The following XYLT1 variants were observed in gnomAD, a reference collection of about 807,000 sequenced individuals.
XYLT1 encodes beta-D-xylosyltransferase 1.
In XYLT1, 36 loss-of-function variants were observed where a neutral mutation model predicts 91.3. The ratio of observed to expected loss-of-function variants is 0.39; its 90% CI spans 0.30 to 0.52. XYLT1 has a LOEUF of 0.52. Among genes scored for constraint, XYLT1 ranks in the 20% least tolerant of loss-of-function variants. The pLI is 0.68. For synonymous variants in XYLT1, 588 were observed against 532.0 expected (o/e 1.11, Z -1.45); for missense variants, 1,242 against 1,284.5 (o/e 0.97, Z 0.51).
intron 1 of XYLT1, among the ~76,000 whole-genome samples, chr16:17,380,263 G>A (rs560692060): frequency 7.2e-4 from 110 of 152,192 alleles, no homozygotes; most frequent in Non-Finnish European, 1.3e-3. Context: ...ACTCCAGCCT[G>A]GGCGACAGAC....
intron 2 of XYLT1, among the ~76,000 whole-genome samples, chr16:17,351,980 C>T (rs1006745889): frequency 3.3e-5 from 5 of 151,974 alleles, no homozygotes; most frequent in Non-Finnish European, 5.9e-5. Flanking sequence ...CCCACCTCTA[C>T]AAAAATTACA....
intron 1 of XYLT1, among the ~76,000 whole-genome samples, chr16:17,454,913 GC>G (rs1181699156): frequency 2.7e-4 from 8 of 30,138 alleles, no homozygotes; most frequent in East Asian, 6.5e-4. Context: ...TCCCCCCCCC[GC>G]CCCCCCCCGC....
chr16:17,309,121 G>T (rs1042093326), intron 2 of XYLT1, among the ~76,000 whole-genome samples: 3 of 152,180 alleles, frequency 2.0e-5, no homozygotes, highest in Admixed American at 2.0e-4. Context: ...ACACGCAAGG[G>T]TCTACAACAC....
At chr16:17,129,091 A>AC (rs1231430547) in intron 9 of XYLT1, among the ~76,000 whole-genome samples, 4 of 144,274 alleles carry the variant, frequency 2.8e-5, no homozygotes, top group Middle Eastern at 3.2e-3. Context: ...AAAAAAAAAA[A>AC]AAAAAACTTG....
At chr16:17,397,711 A>T (rs2035905549) in intron 1 of XYLT1, among the ~76,000 whole-genome samples, 1 of 152,188 alleles carries the variant, frequency 6.6e-6, no homozygotes, top group African/African-American at 2.4e-5. Context: ...GTGAATGATA[A>T]AGCTGGACCG....
chr16:17,138,014 T>G (rs2030810541), intron 8 of XYLT1, among the ~76,000 whole-genome samples: 1 of 146,828 alleles, frequency 6.8e-6, no homozygotes, highest in Non-Finnish European at 1.5e-5. Context: ...TTTTGGGAGA[T>G]TCTGATGAAA....
rs777902101 is a variant in XYLT1, at chr16:17,312,663, A to G, written c.402+45349T>C. Among the ~76,000 whole-genome samples, 47 of 152,220 alleles carry G rather than the reference A, an allele frequency of 3.1e-4. No homozygotes were observed. Among genetic ancestry groups the G allele is most frequent in the Admixed American group, 9.8e-4 (15 of 15,290 alleles). On this transcript the variant is annotated intron_variant, in intron 2 of 11. Transcript: ENST00000261381. The surrounding 1 kb of genome is among the most constrained non-coding windows in gnomAD (Gnocchi z 4.4). ...GTTTTCACCCATTTTCAACATACTC[A>G]TGTGTGTATCCGTGATTCTATTTAC...
intron 11 of XYLT1, 131 bp downstream of exon 11, chr16:17,117,515 A>G (rs2141483897): frequency 1.1e-6 from 1 of 929,850 alleles, no homozygotes; most frequent in Non-Finnish European, 1.6e-6. Flanking sequence ...AAAAGTATTG[A>G]GAGCAAGGAG....
chr16:17,285,281 A>G (rs1473167861), intron 2 of XYLT1, among the ~76,000 whole-genome samples: 2 of 152,216 alleles, frequency 1.3e-5, no homozygotes, highest in South Asian at 2.1e-4. Context: ...ATGATCTCAC[A>G]CCAGCAAATG....
intron 1 of XYLT1, among the ~76,000 whole-genome samples, chr16:17,459,982 C>T (rs978645157): frequency 1.3e-5 from 2 of 152,202 alleles, no homozygotes; most frequent in Non-Finnish European, 2.9e-5. Flanking sequence ...ACATGAGCCC[C>T]GTCTTCCATT....
rs1314306429 is a variant in XYLT1, at chr16:17,103,719, T to TG, written c.*4975dup. The TG allele has an allele frequency of 6.6e-6, 1 of 152,060 alleles. No individual in the cohort carries two copies. The highest frequency in any genetic ancestry group is 1.5e-5 in the Non-Finnish European group (1 of 68,052). The allele number at this position is 152,060 out of a possible 1,614,324, so 9.4% of individuals were successfully genotyped here. ...ACAAGGTGCAGAACCCGCTTTCTGGTGGTATCTGTAGGCAGAGGCAGTTGG... is the reference window on the plus strand; with the variant it reads ...ACAAGGTGCAGAACCCGCTTTCTGGTGGGTATCTGTAGGCAGAGGCAGTTGG... On this transcript the variant is annotated 3_prime_UTR_variant, in exon 12 of 12. Coordinates refer to ENST00000261381, the MANE Select transcript of XYLT1 (RefSeq NM_022166.4).
At position 17,443,347 on chromosome 16, in the gene XYLT1, G is replaced by A. The variant is rs114053853; in HGVS notation, c.363+27087C>T. On this transcript the variant is annotated intron_variant, in intron 1 of 11. Coordinates refer to ENST00000261381, the MANE Select transcript of XYLT1 (RefSeq NM_022166.4). Reference sequence around the variant, plus strand: ...AATCTCATCTCGAACTGTAATCCCCGTGTCGAGGGAGGGACCTGGTGGGAA... The same window carrying A: ...AATCTCATCTCGAACTGTAATCCCCATGTCGAGGGAGGGACCTGGTGGGAA... Among the ~76,000 whole-genome samples, 582 of 152,170 alleles carry A rather than the reference G, an allele frequency of 3.8e-3. 4 individuals carry two copies. Among genetic ancestry groups the A allele is most frequent in the African/African-American group, 0.013 (552 of 41,512 alleles).
At chr16:17,262,646 C>T (rs2033740264) in intron 2 of XYLT1, among the ~76,000 whole-genome samples, 1 of 152,116 alleles carries the variant, frequency 6.6e-6, no homozygotes, top group Non-Finnish European at 1.5e-5. Flanking sequence ...AGGAAACATG[C>T]TATGGCCAAG....
intron 1 of XYLT1, among the ~76,000 whole-genome samples, chr16:17,402,146 AACAC>A (rs200539915): frequency 2.3e-5 from 3 of 132,830 alleles, no homozygotes; most frequent in African/African-American, 5.3e-5. Flanking sequence ...AAAAAAAAAA[AACAC>A]ACACACACAC....
intron 10 of XYLT1, among the ~76,000 whole-genome samples, chr16:17,119,862 CTCAG>C (rs2029985119): frequency 6.6e-6 from 1 of 152,226 alleles, no homozygotes; most frequent in Non-Finnish European, 1.5e-5. Context: ...CATTCACTCT[CTCAG>C]TCATTCATTC....
At chr16:17,224,072 A>G (rs1307803571) in intron 3 of XYLT1, among the ~76,000 whole-genome samples, 8 of 152,244 alleles carry the variant, frequency 5.3e-5, no homozygotes, top group Admixed American at 3.9e-4. Flanking sequence ...TAGAGAAGCT[A>G]CCAGAACCTT....
chr16:17,290,645 C>T (rs1005882969), intron 2 of XYLT1, among the ~76,000 whole-genome samples: 6 of 152,230 alleles, frequency 3.9e-5, no homozygotes, highest in African/African-American at 1.4e-4. Context: ...TGGGCTTTCT[C>T]TGTGTTAGAT....
At chr16:17,319,796 T>A (rs537080378) in intron 2 of XYLT1, among the ~76,000 whole-genome samples, 1 of 152,314 alleles carries the variant, frequency 6.6e-6, no homozygotes, top group African/African-American at 2.4e-5. Context: ...GCTCTGACAT[T>A]TGAGGCACCC....
intron 10 of XYLT1, among the ~76,000 whole-genome samples, chr16:17,124,784 T>C (rs1445120040): frequency 8.3e-5 from 9 of 108,658 alleles, no homozygotes; most frequent in Non-Finnish European, 1.9e-4. Context: ...AAGGCTTTGT[T>C]CATTTTTTAA....
Sources: allele counts gnomAD v4.1 joint callset (sites outside exome capture counted in the v4.1 genomes callset), GRCh38; gene constraint gnomAD v4.1.1; non-coding constraint Gnocchi (gnomAD v3.1); transcripts MANE v1.5; gene names NCBI Gene and HGNC (gene_info 2026-07-23, HGNC 2026-07-21).